The following AUTS2 variants were observed in gnomAD, a reference collection of about 807,000 sequenced individuals.
The protein encoded by AUTS2 is autism susceptibility gene 2 protein.
AUTS2 carries 17 observed loss-of-function variants against 112.4 expected under a neutral mutation model. The ratio of observed to expected loss-of-function variants is 0.15; its 90% CI spans 0.10 to 0.23. AUTS2 has a LOEUF of 0.23. Ranked by LOEUF, AUTS2 falls within the 10% of genes least tolerant of loss-of-function variation. AUTS2 has a pLI of 1.00. For synonymous variants in AUTS2, 751 were observed against 702.7 expected, an observed-to-expected ratio of 1.07 and a Z score of -1.09; for missense variants, 1,510 against 1,701.6, an observed-to-expected ratio of 0.89 and a Z score of 1.98.
At chr7:70,342,988 A>G (rs1791337277) in intron 4 of AUTS2, among the ~76,000 whole-genome samples, 1 of 152,218 alleles carries the variant, frequency 6.6e-6, no homozygotes, top group Non-Finnish European at 1.5e-5. Flanking sequence ...GGTGGCCAGA[A>G]TCAGTAAATT....
intron 2 of AUTS2, among the ~76,000 whole-genome samples, chr7:69,991,166 G>A (rs565003683): frequency 9.9e-5 from 15 of 152,230 alleles, no homozygotes; most frequent in African/African-American, 2.9e-4. Flanking sequence ...TTGAAATTCC[G>A]GGGAAATCAG....
chr7:70,086,094 T>C (rs180713222), intron 2 of AUTS2, among the ~76,000 whole-genome samples: 4 of 152,338 alleles, frequency 2.6e-5, no homozygotes, highest in Admixed American at 2.6e-4. Flanking sequence ...TCAGGTAATG[T>C]TAGTCTTCCA....
intron 1 of AUTS2, among the ~76,000 whole-genome samples, chr7:69,720,386 G>A (rs1427580025): frequency 6.6e-6 from 1 of 152,120 alleles, no homozygotes; most frequent in East Asian, 1.9e-4. Flanking sequence ...CCTGGCTCTT[G>A]GAAAGAAGAT....
chr7:69,619,056 T>C (rs1466688770), intron 1 of AUTS2, among the ~76,000 whole-genome samples: 1 of 152,194 alleles, frequency 6.6e-6, no homozygotes, highest in Non-Finnish European at 1.5e-5. Context: ...GTTTGGTTTT[T>C]CTTCACTGGG....
intron 1 of AUTS2, among the ~76,000 whole-genome samples, chr7:69,654,585 T>G (rs1795437674): frequency 6.6e-6 from 1 of 152,226 alleles, no homozygotes; most frequent in African/African-American, 2.4e-5. Context: ...TGCCATTATG[T>G]ACACAGCTGA....
At chr7:70,131,867 G>A (rs936511299) in intron 3 of AUTS2, among the ~76,000 whole-genome samples, 1 of 151,912 alleles carries the variant, frequency 6.6e-6, no homozygotes, top group Non-Finnish European at 1.5e-5. Flanking sequence ...GTGGGGTCCT[G>A]TTGGTGACCA....
At chr7:70,265,824 A>G (rs1046925529) in intron 4 of AUTS2, among the ~76,000 whole-genome samples, 1 of 152,246 alleles carries the variant, frequency 6.6e-6, no homozygotes, top group Non-Finnish European at 1.5e-5. Context: ...TGGTTCATTT[A>G]GGAAAAACTG....
At chr7:69,784,861 A>G (rs748077646) in intron 1 of AUTS2, among the ~76,000 whole-genome samples, 1 of 152,196 alleles carries the variant, frequency 6.6e-6, no homozygotes, top group Non-Finnish European at 1.5e-5. Context: ...TTAATTTCAC[A>G]AATACCTATT....
At chr7:69,769,920 G>C (rs1355010741) in intron 1 of AUTS2, among the ~76,000 whole-genome samples, 1 of 152,214 alleles carries the variant, frequency 6.6e-6, no homozygotes, top group Non-Finnish European at 1.5e-5. Context: ...CTGCCATGTA[G>C]CAAGTGTTTC....
At chr7:70,024,443 C>A (rs938812506) in intron 2 of AUTS2, among the ~76,000 whole-genome samples, 1 of 152,158 alleles carries the variant, frequency 6.6e-6, no homozygotes. Context: ...GTGACTATTT[C>A]CATTAATTAC....
chr7:70,643,486 G>A (rs376200934), intron 5 of AUTS2, among the ~76,000 whole-genome samples: 44 of 152,298 alleles, frequency 2.9e-4, no homozygotes, highest in African/African-American at 4.8e-4. Flanking sequence ...GAGGAGAATC[G>A]CTTGAACCTA....
chr7:69,935,185 C>T (rs1026064902), intron 2 of AUTS2, among the ~76,000 whole-genome samples: 2 of 146,914 alleles, frequency 1.4e-5, no homozygotes, highest in Non-Finnish European at 3.0e-5. Context: ...GAAAAAAGGA[C>T]GGAGGGGATC....
At chr7:70,787,661 A>AGTT (rs1791602222) in intron 18 of AUTS2, among the ~76,000 whole-genome samples, 2 of 152,156 alleles carry the variant, frequency 1.3e-5, no homozygotes, top group African/African-American at 2.4e-5. Context: ...TCTCAGTCGC[A>AGTT]GTTATACATC....
At chr7:70,307,790 G>C (rs1241833297) in intron 4 of AUTS2, among the ~76,000 whole-genome samples, 1 of 152,070 alleles carries the variant, frequency 6.6e-6, no homozygotes, top group African/African-American at 2.4e-5. Flanking sequence ...GTTTGAACAA[G>C]AGCTCTGTTG....
intron 4 of AUTS2, among the ~76,000 whole-genome samples, chr7:70,171,211 T>C (rs1252984346): frequency 6.6e-6 from 1 of 152,206 alleles, no homozygotes; most frequent in Non-Finnish European, 1.5e-5. Flanking sequence ...GTTCCCAAAC[T>C]GTTGGATTGC....
intron 1 of AUTS2, among the ~76,000 whole-genome samples, chr7:69,895,179 G>C (rs1466595107): frequency 1.3e-5 from 2 of 152,164 alleles, no homozygotes; most frequent in Non-Finnish European, 2.9e-5. Flanking sequence ...CTGTTGATAA[G>C]ATGATTAGTT....
At chr7:70,725,368 T>C (rs567281573) in intron 6 of AUTS2, among the ~76,000 whole-genome samples, 19 of 152,280 alleles carry the variant, frequency 1.2e-4, no homozygotes, top group African/African-American at 3.6e-4. Flanking sequence ...AAAGGATGCC[T>C]TGGGTAGAAT....
intron 2 of AUTS2, among the ~76,000 whole-genome samples, chr7:69,951,264 C>T (rs1340569456): frequency 6.6e-6 from 1 of 152,072 alleles, no homozygotes; most frequent in African/African-American, 2.4e-5. Context: ...CAACCTCCTT[C>T]CAACCACTGG....
chr7:70,221,537 C>T (rs966828235), intron 4 of AUTS2, among the ~76,000 whole-genome samples: 2 of 152,132 alleles, frequency 1.3e-5, no homozygotes, highest in East Asian at 1.9e-4. Flanking sequence ...GGAACCACTA[C>T]TCTAATTTTC....
Sources: gnomAD v4.1 joint callset for allele counts (sites outside exome capture counted in the v4.1 genomes callset) on GRCh38, gnomAD v4.1.1 for gene constraint, MANE v1.5 for transcripts, NCBI Gene and HGNC (gene_info 2026-07-23, HGNC 2026-07-21) for gene names.